The following UNC13C variants were observed in gnomAD, a reference collection of about 807,000 sequenced individuals.
UNC13C encodes the protein protein unc-13 homolog C.
In UNC13C, 174 loss-of-function variants were observed where a neutral mutation model predicts 245.4. The observed-to-expected ratio is 0.71, with a 90% CI of 0.63 to 0.80. The LOEUF (loss-of-function observed/expected upper bound fraction) is 0.80, where lower values mean the gene tolerates loss of function less well. Among genes scored for constraint, UNC13C ranks in the 30% least tolerant of loss-of-function variants. The pLI, the probability that UNC13C is intolerant of heterozygous loss-of-function variation, is 0.00. For missense variants in UNC13C, 2,829 were observed against 2,602.9 expected, an observed-to-expected ratio of 1.09 and a Z score of -1.89; for synonymous variants, 992 against 895.1, an observed-to-expected ratio of 1.11 and a Z score of -1.93.
chr15:54,588,674 T>C (rs1184573297), intron 30 of UNC13C, among the ~76,000 whole-genome samples: 3 of 152,292 alleles, frequency 2.0e-5, no homozygotes, highest in Non-Finnish European at 4.4e-5. Flanking sequence ...AAGTCCATTG[T>C]ACATTCTTAT....
At chr15:54,449,560 A>G (rs151194457) in intron 19 of UNC13C, among the ~76,000 whole-genome samples, 1 of 152,288 alleles carries the variant, frequency 6.6e-6, no homozygotes, top group African/African-American at 2.4e-5. Flanking sequence ...CTTCCAGCTG[A>G]TCAAATCAGC....
At chr15:54,085,687 T>A (rs1267257872) in intron 2 of UNC13C, among the ~76,000 whole-genome samples, 1 of 152,150 alleles carries the variant, frequency 6.6e-6, no homozygotes, top group African/African-American at 2.4e-5. Context: ...CCTCAAGTGA[T>A]CCTCTTGCCT....
chr15:54,369,881 A>G (rs1288632262), intron 17 of UNC13C, among the ~76,000 whole-genome samples: 1 of 152,132 alleles, frequency 6.6e-6, no homozygotes, highest in East Asian at 1.9e-4. Context: ...TATTTTTAAG[A>G]AAAATGAGAG....
the UNC13C span, among the ~76,000 whole-genome samples, chr15:53,870,912 A>G: frequency 6.6e-6 from 1 of 152,114 alleles, no homozygotes; most frequent in Non-Finnish European, 1.5e-5. Flanking sequence ...TCCTATGATC[A>G]AGACCAAGGC....
intron 2 of UNC13C, among the ~76,000 whole-genome samples, chr15:54,132,074 C>CTTTTTTTTTCTTTTTCTTTTTTTCTTTTT (rs6145565): frequency 9.0e-5 from 10 of 110,642 alleles, no homozygotes; most frequent in Non-Finnish European, 1.6e-4. Flanking sequence ...TTTTCTTTTT[C>CTTTTTTTTTCTTTTTCTTTTTTTCTTTTT]TTTTTTTTTT....
intron 6 of UNC13C, among the ~76,000 whole-genome samples, chr15:54,236,968 A>G (rs967185339): frequency 6.6e-6 from 1 of 151,940 alleles, no homozygotes; most frequent in Admixed American, 6.6e-5. Flanking sequence ...CTTGTATTTC[A>G]TATATTTTGG....
intron 1 of UNC13C, among the ~76,000 whole-genome samples, chr15:54,007,520 A>C (rs536680029): frequency 6.6e-6 from 1 of 152,164 alleles, no homozygotes; most frequent in East Asian, 1.9e-4. Flanking sequence ...ACAGAAAACC[A>C]AACACTGCAT....
chr15:54,448,168 T>C (rs1890939468), intron 19 of UNC13C, among the ~76,000 whole-genome samples: 1 of 152,350 alleles, frequency 6.6e-6, no homozygotes, highest in South Asian at 2.1e-4. Context: ...TTCTTTTATG[T>C]TTGCTGAGAA....
intron 2 of UNC13C, among the ~76,000 whole-genome samples, chr15:54,051,433 G>T (rs1381222080): frequency 3.3e-5 from 5 of 151,528 alleles, no homozygotes; most frequent in East Asian, 3.9e-4. Context: ...TTGTATTTGG[G>T]TTTTTTTTCC....
At chr15:53,903,802 G>A in the UNC13C span, among the ~76,000 whole-genome samples, 1 of 149,224 alleles carries the variant, frequency 6.7e-6, no homozygotes, top group Non-Finnish European at 1.5e-5. Context: ...TGCTGTGAAT[G>A]AGAAGTTACT....
the UNC13C span, among the ~76,000 whole-genome samples, chr15:53,943,721 A>G: frequency 6.6e-6 from 1 of 152,256 alleles, no homozygotes; most frequent in South Asian, 2.1e-4. Flanking sequence ...ATTTTTGTAT[A>G]AAGCATGGAT....
chr15:54,141,532 G>A (rs558616225), intron 2 of UNC13C, among the ~76,000 whole-genome samples: 203 of 152,020 alleles, frequency 1.3e-3, no homozygotes, highest in African/African-American at 4.6e-3. Flanking sequence ...ATTTTAAGGA[G>A]GTTTTGAACA....
chr15:54,203,316 C>T (rs1459255785), intron 4 of UNC13C, among the ~76,000 whole-genome samples: 1 of 151,520 alleles, frequency 6.6e-6, no homozygotes, highest in African/African-American at 2.4e-5. Context: ...TCCAGCAATC[C>T]CACTACTAAG....
intron 26 of UNC13C, among the ~76,000 whole-genome samples, chr15:54,542,692 G>A (rs1054671038): frequency 7.2e-5 from 11 of 152,034 alleles, no homozygotes; most frequent in Admixed American, 3.9e-4. Flanking sequence ...CCTGTATTGC[G>A]TGCATATATA....
chr15:54,051,659 T>A (rs1291411735), intron 2 of UNC13C, among the ~76,000 whole-genome samples: 1 of 150,804 alleles, frequency 6.6e-6, no homozygotes, highest in East Asian at 1.9e-4. Context: ...TTTATTTATT[T>A]ATTTATTTTA....
chr15:54,512,040 A>C (rs2141117626), intron 24 of UNC13C, among the ~76,000 whole-genome samples: 1 of 152,330 alleles, frequency 6.6e-6, no homozygotes, highest in East Asian at 1.9e-4. Context: ...AATGGGAGGC[A>C]GAAGATAGTA....
At chr15:54,349,700 G>A (rs1390345201) in intron 17 of UNC13C, among the ~76,000 whole-genome samples, 1 of 152,120 alleles carries the variant, frequency 6.6e-6, no homozygotes, top group Admixed American at 6.5e-5. Context: ...AGTAAGCCGG[G>A]AGCCAGTAAT....
chr15:54,354,514 G>T (rs957670915), intron 17 of UNC13C, among the ~76,000 whole-genome samples: 1 of 152,122 alleles, frequency 6.6e-6, no homozygotes, highest in African/African-American at 2.4e-5. Context: ...CCATCTGCTT[G>T]CAAAGCATCT....
intron 13 of UNC13C, among the ~76,000 whole-genome samples, chr15:54,318,254 A>G (rs2038060542): frequency 6.6e-6 from 1 of 151,872 alleles, no homozygotes; most frequent in Non-Finnish European, 1.5e-5. Flanking sequence ...AATGGGAATG[A>G]TGAATCATAT....
Sources: allele counts gnomAD v4.1 joint callset (sites outside exome capture counted in the v4.1 genomes callset), GRCh38; gene constraint gnomAD v4.1.1; transcripts MANE v1.5; gene names NCBI Gene and HGNC (gene_info 2026-07-23, HGNC 2026-07-21).